The following PITPNM2 variants were observed in gnomAD, a reference collection of about 807,000 sequenced individuals.
The protein encoded by PITPNM2 is phosphatidylinositol transfer protein membrane associated 2, also known as membrane-associated phosphatidylinositol transfer protein 2.
PITPNM2 carries 35 observed loss-of-function variants against 132.2 expected under a neutral mutation model. The ratio of observed to expected loss-of-function variants is 0.26; its 90% CI spans 0.20 to 0.35. The LOEUF is 0.35. Ranked by LOEUF, PITPNM2 falls within the 10% of genes least tolerant of loss-of-function variation. The probability of loss-of-function intolerance (pLI) is 1.00; values close to 1 mark genes in which losing one functional copy is unlikely to be tolerated. For missense variants in PITPNM2, 1,332 were observed against 1,912.0 expected (o/e 0.70, Z 5.66); for synonymous variants, 738 against 799.2 (o/e 0.92, Z 1.29).
intron 17 of PITPNM2, among the ~76,000 whole-genome samples, chr12:122,990,262 G>A (rs1053717273): frequency 2.6e-5 from 4 of 152,262 alleles, no homozygotes; most frequent in African/African-American, 9.6e-5. Flanking sequence ...GCATGAGGAA[G>A]GCGGGGCCCT....
intron 3 of PITPNM2, among the ~76,000 whole-genome samples, chr12:123,020,907 C>T (rs7135096): frequency 6.6e-6 from 1 of 151,452 alleles, no homozygotes; most frequent in East Asian, 1.9e-4. Context: ...GTGGGTGCCA[C>T]TAATCCCAGC....
At chr12:123,130,345 A>G (rs2043235226) in intron 1 of PITPNM2, among the ~76,000 whole-genome samples, 1 of 152,178 alleles carries the variant, frequency 6.6e-6, no homozygotes, top group South Asian at 2.1e-4. Context: ...AGATAATTAT[A>G]GATGCAAAAG....
chr12:123,072,039 C>T (rs556593282), intron 2 of PITPNM2, among the ~76,000 whole-genome samples: 1 of 152,352 alleles, frequency 6.6e-6, no homozygotes, highest in South Asian at 2.1e-4. Flanking sequence ...TCCCCATTCT[C>T]TGTCTGCACA....
intron 2 of PITPNM2, among the ~76,000 whole-genome samples, chr12:123,104,967 C>A (rs946151129): frequency 6.6e-6 from 1 of 152,136 alleles, no homozygotes; most frequent in African/African-American, 2.4e-5. Context: ...AGAGTCAGGG[C>A]CAAAGTCCTG....
chr12:123,119,562 G>A (rs1186716557), intron 1 of PITPNM2, among the ~76,000 whole-genome samples: 1 of 152,010 alleles, frequency 6.6e-6, no homozygotes, highest in East Asian at 1.9e-4. Context: ...GTTTCACCGT[G>A]TTGGCCAGGA....
chr12:123,029,569 G>C (rs2039995311), intron 3 of PITPNM2, among the ~76,000 whole-genome samples: 1 of 152,214 alleles, frequency 6.6e-6, no homozygotes, highest in Non-Finnish European at 1.5e-5. Context: ...CTGGGGAACA[G>C]AGTGAGACTT....
intron 2 of PITPNM2, among the ~76,000 whole-genome samples, chr12:123,066,435 G>A (rs1316701465): frequency 6.6e-6 from 1 of 152,174 alleles, no homozygotes; most frequent in Admixed American, 6.5e-5. Context: ...AGGAGCAAGA[G>A]CAGGGGTCTG....
In PITPNM2 at chr12:123,005,151, T is replaced by G; in HGVS notation, c.952+89A>C. The G allele has an allele frequency of 1.4e-6, 2 of 1,449,802 alleles. No individual in the cohort carries two copies. Among genetic ancestry groups the G allele is most frequent in the Non-Finnish European group, 1.9e-6 (2 of 1,064,188 alleles). The allele number at this position is 1,449,802 out of a possible 1,614,324, so 89.8% of individuals were successfully genotyped here. On this transcript the variant is annotated intron_variant, in intron 7 of 25. Coordinates refer to ENST00000320201, the MANE Select transcript of PITPNM2 (RefSeq NM_020845.3). The surrounding 1 kb of genome is among the most constrained non-coding windows in gnomAD (Gnocchi z 6.2). ...TGCCTCAATGTCCATGGGAAAGAACTCTGAGGAGGTGCAGTGATCCAGCAG... is the reference window on the plus strand; with the variant it reads ...TGCCTCAATGTCCATGGGAAAGAACGCTGAGGAGGTGCAGTGATCCAGCAG...
rs950433088 is a variant in PITPNM2, at chr12:123,117,695, G to A, written c.-199-7207C>T. On this transcript the variant is annotated intron_variant, in intron 1 of 25. Transcript: ENST00000320201. The surrounding 1 kb of genome is among the most constrained non-coding windows in gnomAD (Gnocchi z 4.7). ...GAAGTGCTCACTGGGCTCCTCAGAC[G>A]TGTGCCCCTGGAGCCCTGCTCTGCT... is the stretch of plus-strand genomic sequence containing the variant. Among the ~76,000 whole-genome samples, 1 of 152,216 alleles carries A rather than the reference G, an allele frequency of 6.6e-6. No homozygotes were observed. Among genetic ancestry groups the A allele is most frequent in the African/African-American group, 2.4e-5 (1 of 41,450 alleles).
chr12:123,005,213 T>C lies in PITPNM2; in HGVS notation c.952+27A>G, dbSNP rs746602180. On this transcript the variant is annotated intron_variant, in intron 7 of 25. Transcript: ENST00000320201. This position sits in a 1 kb window ranked among gnomAD's most constrained non-coding sequence, Gnocchi z 6.2. ...GCCTTGAGGGGAGGGACCTTGAGTG[T>C]GGGTGGCAGGTGGCGCAGGGCCTTA... The C allele has an allele frequency of 6.3e-7, 1 of 1,596,634 alleles. No homozygotes were observed. The highest frequency in any genetic ancestry group is 1.3e-5 in the African/African-American group (1 of 74,534).
At chr12:123,092,280 AC>A (rs1445238164) in intron 2 of PITPNM2, 1 of 152,266 alleles carries the variant, frequency 6.6e-6, no homozygotes, top group Non-Finnish European at 1.5e-5. Context: ...ACCATGGCTC[AC>A]GCCTGTAATC....
intron 1 of PITPNM2, among the ~76,000 whole-genome samples, chr12:123,133,971 G>A (rs972036874): frequency 9.9e-5 from 15 of 151,900 alleles, no homozygotes; most frequent in Non-Finnish European, 1.6e-4. Context: ...GTGAGCCACC[G>A]CATCCGGCCC....
At position 122,997,658 on chromosome 12, in the gene PITPNM2, C is replaced by A. The variant is rs2038489669; in HGVS notation, c.1225-86G>T. On this transcript the variant is annotated intron_variant, in intron 10 of 25. Coordinates refer to ENST00000320201, the MANE Select transcript of PITPNM2 (RefSeq NM_020845.3). Reference sequence around the variant, plus strand: ...TCTGTCACCCTTGTTGGGGGTGTGCCTCTTGCACGCAGCCCAACTGCTCCC... The same window carrying A: ...TCTGTCACCCTTGTTGGGGGTGTGCATCTTGCACGCAGCCCAACTGCTCCC... 3.3e-6 allele frequency: 5 copies of A among 1,528,854 alleles called. No individual in the cohort carries two copies. In the Admixed American group the frequency reaches 9.1e-5, roughly 28 times the overall value. The allele number at this position is 1,528,854 out of a possible 1,614,324, so 94.7% of individuals were successfully genotyped here. A position where few individuals can be genotyped will look rare whatever the true frequency, so the allele number is the denominator to read the frequency against.
intron 10 of PITPNM2, among the ~76,000 whole-genome samples, chr12:122,999,825 A>G (rs919404529): frequency 2.6e-5 from 4 of 152,178 alleles, no homozygotes; most frequent in African/African-American, 9.7e-5. Flanking sequence ...GCGGTACCCC[A>G]GAATCAGTGC....
At chr12:122,988,471 C>T in intron 19 of PITPNM2, 121 bp from the exon 20 acceptor site, 2 of 860,392 alleles carry the variant, frequency 2.3e-6, no homozygotes, top group Non-Finnish European at 3.8e-6. Context: ...GGGTGTTCTT[C>T]AACTCACTAC....
chr12:123,036,423 A>G lies in PITPNM2; in HGVS notation c.-95-1738T>C, dbSNP rs1383735630. 6.6e-6 allele frequency among the ~76,000 whole-genome samples: 1 copy of G among 152,124 alleles called. No individual in the cohort carries two copies. On this transcript the variant is annotated intron_variant, in intron 2 of 25. Coordinates refer to ENST00000320201, the MANE Select transcript of PITPNM2 (RefSeq NM_020845.3). This position sits in a 1 kb window ranked among gnomAD's most constrained non-coding sequence, Gnocchi z 4.1. The stretch of plus-strand genomic sequence containing the variant: ...GCCCGAAGCCCATTCAAATTCTCAC[A>G]TCCATCCTGGCATTATGGGATGCCA...
In PITPNM2 at chr12:123,008,510, A is replaced by ACCATTC. The variant is rs1383189273; in HGVS notation, c.643+1334_643+1339dup. Among the ~76,000 whole-genome samples, 6 of 152,084 alleles carry ACCATTC rather than the reference A, an allele frequency of 3.9e-5. No individual in the cohort carries two copies. The highest frequency in any genetic ancestry group is 8.8e-5 in the Non-Finnish European group (6 of 68,000). On this transcript the variant is annotated intron_variant, in intron 6 of 25. Transcript: ENST00000320201. This position sits in a 1 kb window ranked among gnomAD's most constrained non-coding sequence, Gnocchi z 4.1. ...TCATATTGCCTGGGAAGTGAGAACC[A>ACCATTC]CCATTCCCATTTTGAGGCTTCAGCA... is the stretch of plus-strand genomic sequence containing the variant.
At chr12:123,068,340 T>C (rs900200624) in intron 2 of PITPNM2, among the ~76,000 whole-genome samples, 3 of 151,880 alleles carry the variant, frequency 2.0e-5, no homozygotes, top group East Asian at 1.9e-4. Flanking sequence ...GGTGGCTACT[T>C]GGGAGGCTGA....
At chr12:122,990,895 G>C (rs1411575697) in intron 16 of PITPNM2, among the ~76,000 whole-genome samples, 186 bp from the exon 17 acceptor site, 1 of 152,178 alleles carries the variant, frequency 6.6e-6, no homozygotes, top group East Asian at 1.9e-4. Flanking sequence ...GAGGAGGAGG[G>C]CTGGGGCAGG....
Sources: allele counts gnomAD v4.1 joint callset (sites outside exome capture counted in the v4.1 genomes callset), GRCh38; gene constraint gnomAD v4.1.1; non-coding constraint Gnocchi (gnomAD v3.1); transcripts MANE v1.5; gene names NCBI Gene and HGNC (gene_info 2026-07-23, HGNC 2026-07-21).